The following PDE1C variants were observed in gnomAD, a reference collection of about 807,000 sequenced individuals.
The protein encoded by PDE1C is dual specificity calcium/calmodulin-dependent 3',5'-cyclic nucleotide phosphodiesterase 1C.
PDE1C carries 62 observed loss-of-function variants against 93.1 expected under a neutral mutation model. The observed-to-expected ratio is 0.67, with a 90% confidence interval of 0.54 to 0.82. PDE1C has a LOEUF of 0.82. Ranked by LOEUF, PDE1C falls within the 40% of genes least tolerant of loss-of-function variation. PDE1C has a pLI of 0.00. For synonymous variants in PDE1C, 325 were observed against 310.1 expected, an observed-to-expected ratio of 1.05 and a Z score of -0.50; for missense variants, 742 against 884.6, an observed-to-expected ratio of 0.84 and a Z score of 2.04.
At chr7:31,812,345 T>C (rs1372733990) in intron 15 of PDE1C, among the ~76,000 whole-genome samples, 2 of 152,262 alleles carry the variant, frequency 1.3e-5, no homozygotes, top group Non-Finnish European at 2.9e-5. Flanking sequence ...TTTCCACATC[T>C]GCCCTCTCTG....
chr7:31,965,382 A>G (rs1331661675), intron 2 of PDE1C, among the ~76,000 whole-genome samples: 1 of 152,240 alleles, frequency 6.6e-6, no homozygotes, highest in Non-Finnish European at 1.5e-5. Context: ...AATGAATGAA[A>G]TGTAGTGAGA....
At chr7:32,066,083 T>C (rs370992322) in intron 1 of PDE1C, among the ~76,000 whole-genome samples, 1 of 152,166 alleles carries the variant, frequency 6.6e-6, no homozygotes, top group African/African-American at 2.4e-5. Context: ...GGCAGCCCCA[T>C]GAAAGTCCAG....
the PDE1C span, among the ~76,000 whole-genome samples, chr7:31,627,977 G>C: frequency 1.3e-5 from 2 of 152,156 alleles, no homozygotes; most frequent in Non-Finnish European, 2.9e-5. Flanking sequence ...AAGTGGGTGG[G>C]ATTCAAGGAA....
At chr7:31,876,506 C>T (rs1282160305) in intron 5 of PDE1C, among the ~76,000 whole-genome samples, 3 of 152,072 alleles carry the variant, frequency 2.0e-5, no homozygotes, top group East Asian at 1.9e-4. Flanking sequence ...GAAACATTTT[C>T]GTAAATGTCT....
At chr7:32,060,446 C>T (rs1794675843) in intron 1 of PDE1C, among the ~76,000 whole-genome samples, 1 of 152,164 alleles carries the variant, frequency 6.6e-6, no homozygotes. Flanking sequence ...ATCCAAAATC[C>T]TATCTTGTAG....
chr7:31,823,181 C>T lies in PDE1C; in HGVS notation c.1474G>A (p.Ala492Thr). The T allele has an allele frequency of 6.2e-7, 1 of 1,613,256 alleles. No individual in the cohort carries two copies. Among genetic ancestry groups the T allele is most frequent in the Non-Finnish European group, 8.5e-7 (1 of 1,179,490 alleles). ...GVKTSGSEGS[A>T]PINNSVISVD... ...GAGATGACAGAATTGTTGATCGGGG[C>T]ACTTCCCTCTGAACCAGAGGTCTTG... Residue 492 changes from alanine (A) to threonine (T), a missense_variant, in exon 14 of 18, where the codon GCC (alanine) becomes ACC (threonine). Ala to Thr is a moderately conservative substitution (Grantham distance 58). Transcript: ENST00000396191.
In PDE1C at chr7:31,824,925, C is replaced by T. The variant is rs1309799899; in HGVS notation, c.1348G>A (p.Val450Met). 6 of 1,613,334 alleles carry T rather than the reference C, an allele frequency of 3.7e-6. No homozygotes were observed. The highest frequency in any genetic ancestry group is 5.1e-6 in the Non-Finnish European group (6 of 1,179,548). ...TVLTDMTEKI[V>M]SPLIDETSQT... The stretch of plus-strand genomic sequence containing the variant: ...GAGGTTTCATCGATTAATGGACTCA[C>T]AATCTTCTCGGTCATGTCCGTAAGC... Residue 450 changes from valine (V) to methionine (M), a missense_variant, in exon 13 of 18, where the codon GTG becomes ATG. By Grantham distance (21) the Val-to-Met change is conservative. Coordinates refer to ENST00000396191, the MANE Select transcript of PDE1C (RefSeq NM_001191057.4).
intron 1 of PDE1C, among the ~76,000 whole-genome samples, chr7:32,376,489 C>G (rs1417521671): frequency 6.6e-6 from 1 of 152,174 alleles, no homozygotes; most frequent in African/African-American, 2.4e-5. Context: ...CCAAAGAGCC[C>G]TGAATCCTCA....
chr7:31,644,753 A>C, the PDE1C span, among the ~76,000 whole-genome samples: 1 of 152,206 alleles, frequency 6.6e-6, no homozygotes, highest in Non-Finnish European at 1.5e-5. Flanking sequence ...AGGGCCAGCC[A>C]TTGATTAAAA....
At chr7:32,026,835 T>A (rs1238911440) in intron 2 of PDE1C, among the ~76,000 whole-genome samples, 2 of 151,380 alleles carry the variant, frequency 1.3e-5, no homozygotes, top group Non-Finnish European at 2.9e-5. Flanking sequence ...CACTAAAAAT[T>A]AAAAAAAAGA....
intron 16 of PDE1C, among the ~76,000 whole-genome samples, chr7:31,779,910 G>A (rs1469060011): frequency 1.3e-5 from 2 of 152,126 alleles, no homozygotes; most frequent in African/African-American, 4.8e-5. Context: ...CTCATGTCCA[G>A]GAAGAACATC....
chr7:31,731,768 C>A, the PDE1C span, among the ~76,000 whole-genome samples: 2 of 104,100 alleles, frequency 1.9e-5, no homozygotes, highest in African/African-American at 7.8e-5. Context: ...TGCCAACCTT[C>A]CCCCAGGCTA....
chr7:31,924,900 A>C (rs1443829643), intron 2 of PDE1C, among the ~76,000 whole-genome samples: 1 of 152,246 alleles, frequency 6.6e-6, no homozygotes, highest in African/African-American at 2.4e-5. Flanking sequence ...GCCAAAAAGC[A>C]GTCTTTAATT....
At chr7:32,317,403 C>A (rs1348903148) in intron 1 of PDE1C, among the ~76,000 whole-genome samples, 1 of 152,080 alleles carries the variant, frequency 6.6e-6, no homozygotes, top group Non-Finnish European at 1.5e-5. Context: ...TAAATGGAGA[C>A]CCGTCCTCTC....
At chr7:31,738,942 G>T in the PDE1C span, among the ~76,000 whole-genome samples, 15 of 152,118 alleles carry the variant, frequency 9.9e-5, no homozygotes, top group Admixed American at 5.2e-4. Context: ...TGCTCAGGAC[G>T]GGTTTGTTCT....
chr7:31,810,532 A>G (rs1486950896), intron 15 of PDE1C, among the ~76,000 whole-genome samples: 1 of 152,158 alleles, frequency 6.6e-6, no homozygotes, highest in African/African-American at 2.4e-5. Flanking sequence ...CTAAATGTCC[A>G]ATTTGTAAAA....
chr7:31,753,294 G>T lies in PDE1C; in HGVS notation c.*90C>A. ...TAGTACCTGCTCCAACAGCCTCCAA[G>T]GGTCTTGGAGGTGTGTCCTGCTGTG... On this transcript the variant is annotated 3_prime_UTR_variant, in exon 18 of 18. Coordinates refer to ENST00000396191, the MANE Select transcript of PDE1C (RefSeq NM_001191057.4). 1 of 1,483,668 alleles carries T rather than the reference G, an allele frequency of 6.7e-7. No homozygotes were observed. Among genetic ancestry groups the T allele is most frequent in the Admixed American group, 2.2e-5 (1 of 44,982 alleles). The allele number at this position is 1,483,668 out of a possible 1,614,324, so 91.9% of individuals were successfully genotyped here. A position where few individuals can be genotyped will look rare whatever the true frequency, so the allele number is the denominator to read the frequency against.
At chr7:31,971,097 G>A (rs546517027) in intron 2 of PDE1C, among the ~76,000 whole-genome samples, 5 of 152,228 alleles carry the variant, frequency 3.3e-5, no homozygotes, top group East Asian at 3.9e-4. Context: ...AGCCAAGATC[G>A]CGCTACTGCA....
intron 5 of PDE1C, among the ~76,000 whole-genome samples, chr7:31,874,197 A>G (rs1225668880): frequency 6.6e-6 from 1 of 152,210 alleles, no homozygotes; most frequent in East Asian, 1.9e-4. Context: ...CACCTTATAT[A>G]CCATCCCTGA....
Sources: gnomAD v4.1 joint callset for allele counts (sites outside exome capture counted in the v4.1 genomes callset) on GRCh38, gnomAD v4.1.1 for gene constraint, MANE v1.5 for transcripts, NCBI Gene and HGNC (gene_info 2026-07-23, HGNC 2026-07-21) for gene names.